Variants in PDLIM5 observed in about 807,000 individuals in gnomAD.
PDLIM5 encodes the protein PDZ and LIM domain protein 5.
PDLIM5 carries 34 observed loss-of-function variants against 64.2 expected under a neutral mutation model. That is an observed-to-expected ratio of 0.53 (90% CI 0.40 to 0.71). The LOEUF is 0.71. Among genes scored for constraint, PDLIM5 ranks in the 30% least tolerant of loss-of-function variants. The pLI, the probability that PDLIM5 is intolerant of heterozygous loss-of-function variation, is 0.00. For missense variants in PDLIM5, 683 were observed against 733.6 expected (o/e 0.93, Z 0.80); for synonymous variants, 253 against 269.1 (o/e 0.94, Z 0.59).
intron 8 of PDLIM5, among the ~76,000 whole-genome samples, chr4:94,631,092 G>C (rs1271812960): frequency 6.8e-6 from 1 of 148,082 alleles, no homozygotes; most frequent in Non-Finnish European, 1.5e-5. Flanking sequence ...TGTAGAGATG[G>C]GGGTCTCACT....
chr4:94,597,479 CAG>C (rs1237383149), intron 7 of PDLIM5, among the ~76,000 whole-genome samples: 4 of 152,068 alleles, frequency 2.6e-5, no homozygotes, highest in Non-Finnish European at 5.9e-5. Context: ...AAGTAAAAAA[CAG>C]AAGTGATGTC....
chr4:94,609,788 C>T (rs962939350), intron 7 of PDLIM5, among the ~76,000 whole-genome samples: 5 of 152,060 alleles, frequency 3.3e-5, no homozygotes, highest in Non-Finnish European at 7.4e-5. Context: ...AACAATTTTC[C>T]TTCTTTCTAT....
intron 5 of PDLIM5, among the ~76,000 whole-genome samples, chr4:94,580,092 A>G (rs187012532): frequency 6.6e-5 from 10 of 152,284 alleles, no homozygotes; most frequent in Admixed American, 2.0e-4. Flanking sequence ...AAATGTCACC[A>G]TTGGTGTAGA....
chr4:94,480,064 T>A (rs556071451), intron 2 of PDLIM5, among the ~76,000 whole-genome samples: 2 of 152,364 alleles, frequency 1.3e-5, no homozygotes, highest in South Asian at 2.1e-4. Context: ...TGTCTTTTTT[T>A]ATTCAATTCT....
At chr4:94,645,371 A>G (rs1741332693) in intron 9 of PDLIM5, among the ~76,000 whole-genome samples, 1 of 152,192 alleles carries the variant, frequency 6.6e-6, no homozygotes, top group African/African-American at 2.4e-5. Context: ...GCTGCTATAA[A>G]CATGCATGTG....
intron 3 of PDLIM5, among the ~76,000 whole-genome samples, chr4:94,564,706 A>G (rs1578385367): frequency 8.2e-6 from 1 of 122,490 alleles, no homozygotes; most frequent in African/African-American, 3.4e-5. Context: ...CCCAGGCTGG[A>G]GTGCAGTAGG....
intron 2 of PDLIM5, chr4:94,489,051 CT>C (rs1726608906): frequency 6.6e-6 from 1 of 152,170 alleles, no homozygotes; most frequent in South Asian, 2.1e-4. Context: ...GAAGATGCTC[CT>C]TTTGGAATGG....
At chr4:94,487,239 A>G (rs905557094) in intron 2 of PDLIM5, among the ~76,000 whole-genome samples, 3 of 152,198 alleles carry the variant, frequency 2.0e-5, no homozygotes, top group South Asian at 4.1e-4. Flanking sequence ...ACATTATCTC[A>G]TATCACAACC....
At chr4:94,539,920 G>A (rs373763029) in intron 3 of PDLIM5, among the ~76,000 whole-genome samples, 4 of 152,010 alleles carry the variant, frequency 2.6e-5, no homozygotes, top group Admixed American at 2.0e-4. Flanking sequence ...AAAATGTCTT[G>A]GCTGCCGTGA....
intron 2 of PDLIM5, among the ~76,000 whole-genome samples, chr4:94,494,574 T>C (rs968480924): frequency 2.7e-5 from 4 of 147,762 alleles, no homozygotes; most frequent in Admixed American, 6.8e-5. Context: ...TGAGTAGCTG[T>C]GATTACTGGC....
chr4:94,583,528 A>G (rs1300358260), intron 5 of PDLIM5, among the ~76,000 whole-genome samples: 1 of 152,166 alleles, frequency 6.6e-6, no homozygotes, highest in African/African-American at 2.4e-5. Context: ...TAAGATAAAG[A>G]GTTGTCTGTT....
rs1019081651 is a variant in PDLIM5 at position 94,666,485 on chromosome 4, C to T, written c.*2418C>T. 6.3e-6 allele frequency: 1 copy of T among 158,064 alleles called. No homozygotes were observed. The highest frequency in any genetic ancestry group is 6.3e-5 in the Admixed American group (1 of 15,876). The allele number at this position is 158,064 out of a possible 1,614,324, so 9.8% of individuals were successfully genotyped here. On this transcript the variant is annotated 3_prime_UTR_variant, in exon 13 of 13. Coordinates refer to ENST00000317968, the MANE Select transcript of PDLIM5 (RefSeq NM_006457.5). The stretch of plus-strand genomic sequence containing the variant: ...TATAAAAGACTTGCTGGCTAATGTG[C>T]ATTGTCATATAATGTACACTGTCAC...
intron 3 of PDLIM5, among the ~76,000 whole-genome samples, chr4:94,541,179 G>C (rs1731772791): frequency 6.6e-6 from 1 of 152,116 alleles, no homozygotes; most frequent in African/African-American, 2.4e-5. Context: ...AGGATACTTA[G>C]TATCTCCTAA....
chr4:94,550,813 C>A (rs947981237), intron 3 of PDLIM5, among the ~76,000 whole-genome samples: 1 of 152,006 alleles, frequency 6.6e-6, no homozygotes, highest in Non-Finnish European at 1.5e-5. Flanking sequence ...AGAATTTTGT[C>A]ATCTTCTTGT....
chr4:94,598,246 T>C (rs937088062), intron 7 of PDLIM5, among the ~76,000 whole-genome samples: 1 of 152,096 alleles, frequency 6.6e-6, no homozygotes, highest in Non-Finnish European at 1.5e-5. Flanking sequence ...GTGGGAATTT[T>C]AAAAGAAAAT....
chr4:94,625,748 C>T (rs757626853), intron 8 of PDLIM5, among the ~76,000 whole-genome samples: 3 of 152,214 alleles, frequency 2.0e-5, no homozygotes, highest in East Asian at 1.9e-4. Flanking sequence ...CCACTGCGCC[C>T]GGCCAATATT....
At chr4:94,650,967 A>T (rs1741799814) in intron 9 of PDLIM5, among the ~76,000 whole-genome samples, 1 of 152,146 alleles carries the variant, frequency 6.6e-6, no homozygotes, top group Non-Finnish European at 1.5e-5. Flanking sequence ...GGCTCACAGG[A>T]CATCGAATAC....
intron 2 of PDLIM5, among the ~76,000 whole-genome samples, chr4:94,501,331 A>T (rs537727759): frequency 6.6e-6 from 1 of 152,078 alleles, no homozygotes; most frequent in East Asian, 1.9e-4. Flanking sequence ...AAGTCTATCC[A>T]CTTGGGTCCC....
intron 3 of PDLIM5, among the ~76,000 whole-genome samples, chr4:94,555,948 C>T (rs1733265535): frequency 6.6e-6 from 1 of 151,440 alleles, no homozygotes; most frequent in African/African-American, 2.4e-5. Context: ...GGTACATGTG[C>T]ACAACATTCA....
Sources: allele counts gnomAD v4.1 joint callset (sites outside exome capture counted in the v4.1 genomes callset), GRCh38; gene constraint gnomAD v4.1.1; transcripts MANE v1.5; gene names NCBI Gene and HGNC (gene_info 2026-07-23, HGNC 2026-07-21).